Variants in NAV1 observed in about 807,000 individuals in gnomAD.
NAV1 encodes neuron navigator 1.
NAV1 carries 18 observed loss-of-function variants against 175.2 expected under a neutral mutation model. The observed-to-expected ratio is 0.10, with a 90% confidence interval of 0.07 to 0.15. The LOEUF is 0.15. Ranked by LOEUF, NAV1 falls within the 10% of genes least tolerant of loss-of-function variation. The probability of loss-of-function intolerance (pLI) is 1.00; values close to 1 mark genes in which losing one functional copy is unlikely to be tolerated. For synonymous variants in NAV1, 897 were observed against 978.7 expected (o/e 0.92, Z 1.56); for missense variants, 1,731 against 2,436.6 (o/e 0.71, Z 6.10).
chr1:201,649,149 C>T, exon 1 of NAV1: 8 of 1,611,932 alleles, frequency 5.0e-6, no homozygotes, highest in Admixed American at 1.7e-5. Flanking sequence ...CAAGACCCCC[C>T]TGGCTCCGCT....
chr1:201,580,266 A>G (rs968259810), intron 1 of NAV1, among the ~76,000 whole-genome samples: 2 of 152,218 alleles, frequency 1.3e-5, no homozygotes, highest in Admixed American at 6.5e-5. Flanking sequence ...CATCACAGAC[A>G]TACCCAGAAA....
At chr1:201,622,439 G>A (rs1014872470), upstream of NAV1, among the ~76,000 whole-genome samples, 22 of 152,284 alleles carry the variant, frequency 1.4e-4, no homozygotes, top group Middle Eastern at 3.4e-3. Flanking sequence ...GGCAGAGGCC[G>A]AGAGCATGAG....
At chr1:201,619,814 C>G (rs1233609175), upstream of NAV1, among the ~76,000 whole-genome samples, 6 of 152,242 alleles carry the variant, frequency 3.9e-5, no homozygotes, top group Non-Finnish European at 5.9e-5. Context: ...AGGCCTAGAC[C>G]ATGGGCAGCC....
At chr1:201,591,896 G>T (rs2102214514) in intron 2 of NAV1, among the ~76,000 whole-genome samples, 1 of 152,300 alleles carries the variant, frequency 6.6e-6, no homozygotes, top group South Asian at 2.1e-4. Context: ...CGGAGCTCTT[G>T]ATTGCAGCCC....
At chr1:201,592,612 G>A (rs1667233184) in intron 2 of NAV1, among the ~76,000 whole-genome samples, 1 of 152,126 alleles carries the variant, frequency 6.6e-6, no homozygotes. Flanking sequence ...GAAGAATGGG[G>A]GCCCTGGCAC....
In NAV1 at chr1:201,740,114, G is replaced by A; in HGVS notation, c.1226+21359G>A. ...ACCCCCCTGGCCTCACCGCCAGACC[G>A]CAGAGCTGGGGTCGGGTTTGTGGCA... On this transcript the variant is annotated intron_variant, in intron 3 of 29. Transcript: ENST00000367296. The surrounding 1 kb of genome is among the most constrained non-coding windows in gnomAD (Gnocchi z 4.7). 2.8e-6 allele frequency: 4 copies of A among 1,409,102 alleles called. No homozygotes were observed. The highest frequency in any genetic ancestry group is 3.7e-6 in the Non-Finnish European group (4 of 1,078,894). 87.3% of individuals were successfully genotyped at this position (1,409,102 alleles called of 1,614,324 possible). A position where few individuals can be genotyped will look rare whatever the true frequency, so the allele number is the denominator to read the frequency against.
At chr1:201,819,761 G>A in intron 29 of NAV1, 76 bp from the exon 34 acceptor site, 3 of 1,293,866 alleles carry the variant, frequency 2.3e-6, no homozygotes, top group Non-Finnish European at 3.3e-6. Context: ...TTGGGATTTT[G>A]TTGTTGTTGT....
At chr1:201,705,996 T>C (rs1671650635) in intron 1 of NAV1, among the ~76,000 whole-genome samples, 1 of 152,164 alleles carries the variant, frequency 6.6e-6, no homozygotes, top group South Asian at 2.1e-4. Context: ...AGTTTATCGT[T>C]AGACCAAGGA....
At chr1:201,650,415 C>T (rs943268895) in intron 1 of NAV1, among the ~76,000 whole-genome samples, 2 of 152,230 alleles carry the variant, frequency 1.3e-5, no homozygotes, top group Non-Finnish European at 2.9e-5. Context: ...ACGGTGGGGC[C>T]TGGTGCCCAG....
chr1:201,617,931 A>T (rs552369164), upstream of NAV1, among the ~76,000 whole-genome samples: 8 of 152,322 alleles, frequency 5.3e-5, no homozygotes, highest in South Asian at 1.7e-3. Flanking sequence ...ATTTCAGAGG[A>T]AGGGAAACAG....
chr1:201,602,380 C>A (rs1001456355), intron 2 of NAV1, among the ~76,000 whole-genome samples: 3 of 152,158 alleles, frequency 2.0e-5, no homozygotes, highest in African/African-American at 7.2e-5. Flanking sequence ...CTCGTTCTGT[C>A]ACCCAGGCGG....
chr1:201,767,843 C>T (rs1043595901), intron 3 of NAV1, among the ~76,000 whole-genome samples: 19 of 152,220 alleles, frequency 1.2e-4, no homozygotes, highest in Non-Finnish European at 1.3e-4. Context: ...CTGAGTGGCT[C>T]ACCTCCAGGA....
At chr1:201,814,435 T>G (rs1678895625) in intron 28 of NAV1, among the ~76,000 whole-genome samples, 1 of 152,166 alleles carries the variant, frequency 6.6e-6, no homozygotes, top group East Asian at 1.9e-4. Flanking sequence ...CATGTCATTT[T>G]CTTAAAACCA....
intron 22 of NAV1, among the ~76,000 whole-genome samples, chr1:201,809,741 G>A (rs1205974765): frequency 6.6e-6 from 1 of 152,132 alleles, no homozygotes; most frequent in Non-Finnish European, 1.5e-5. Flanking sequence ...GTGCCACCAT[G>A]CATGGCTTCT....
intron 1 of NAV1, among the ~76,000 whole-genome samples, chr1:201,709,663 C>A (rs1671815757): frequency 6.6e-6 from 1 of 152,184 alleles, no homozygotes; most frequent in Non-Finnish European, 1.5e-5. Context: ...CCACCAGGGG[C>A]CACTGCTGGG....
At chr1:201,744,148 G>A (rs1483865432) in intron 3 of NAV1, among the ~76,000 whole-genome samples, 1 of 152,154 alleles carries the variant, frequency 6.6e-6, no homozygotes, top group Non-Finnish European at 1.5e-5. Context: ...CTCCCAAAGT[G>A]CTGGGATTAC....
At chr1:201,615,263 C>CTT (rs1256633287) in intron 2 of NAV1, among the ~76,000 whole-genome samples, 9,030 of 144,582 alleles carry the variant, frequency 0.062, 812 homozygotes, top group African/African-American at 0.2. Flanking sequence ...TTCTTTCTTT[C>CTT]TTTCTTTTTT....
chr1:201,597,421 A>C (rs1667382357), intron 2 of NAV1, among the ~76,000 whole-genome samples: 1 of 152,174 alleles, frequency 6.6e-6, no homozygotes, highest in African/African-American at 2.4e-5. Flanking sequence ...GAAGACAGCT[A>C]AGCTGTCTTC....
At chr1:201,809,892 T>A in intron 22 of NAV1, 54 bp from the exon 27 acceptor site, 1 of 1,533,640 alleles carries the variant, frequency 6.5e-7, no homozygotes. Flanking sequence ...TTGTTGTGGC[T>A]TTTACACCTG....
Sources: gnomAD v4.1 joint callset for allele counts (sites outside exome capture counted in the v4.1 genomes callset) on GRCh38, gnomAD v4.1.1 for gene constraint, Gnocchi (gnomAD v3.1) non-coding constraint, MANE v1.5 for transcripts, NCBI Gene and HGNC (gene_info 2026-07-23, HGNC 2026-07-21) for gene names.